The following PLD1 variants were observed in gnomAD, a reference collection of about 807,000 sequenced individuals.
PLD1 encodes the protein phospholipase D1.
A neutral mutation model predicts 137.1 loss-of-function variants in PLD1; 112 were observed. The ratio of observed to expected loss-of-function variants is 0.82; its 90% CI spans 0.70 to 0.96. The LOEUF is 0.96. Ranked by LOEUF, PLD1 falls within the 40% of genes least tolerant of loss-of-function variation. The probability of loss-of-function intolerance (pLI) is 0.00; values close to 1 mark genes in which losing one functional copy is unlikely to be tolerated. For synonymous variants in PLD1, 431 were observed against 454.7 expected, an observed-to-expected ratio of 0.95 and a Z score of 0.66; for missense variants, 1,321 against 1,342.0, an observed-to-expected ratio of 0.98 and a Z score of 0.24.
chr3:171,615,986 C>A (rs543204810), intron 24 of PLD1, among the ~76,000 whole-genome samples: 4 of 152,242 alleles, frequency 2.6e-5, no homozygotes, highest in Non-Finnish European at 4.4e-5. Context: ...TATTGCTCCA[C>A]AGCCATGCCA....
At chr3:171,771,975 C>A (rs549241624) in intron 1 of PLD1, among the ~76,000 whole-genome samples, 1 of 152,170 alleles carries the variant, frequency 6.6e-6, no homozygotes, top group Non-Finnish European at 1.5e-5. Context: ...AGCTAAGACA[C>A]GTCTTTTAAC....
intron 11 of PLD1, among the ~76,000 whole-genome samples, chr3:171,701,190 A>G (rs1000891523): frequency 1.3e-5 from 2 of 152,248 alleles, no homozygotes; most frequent in African/African-American, 4.8e-5. Context: ...ATAAATAAGG[A>G]AACAGACAAA....
intron 1 of PLD1, among the ~76,000 whole-genome samples, chr3:171,748,588 C>G (rs1246957743): frequency 6.6e-6 from 1 of 152,028 alleles, no homozygotes; most frequent in African/African-American, 2.4e-5. Flanking sequence ...CTCTCCAGTG[C>G]TGATTAGCTT....
intron 19 of PLD1, among the ~76,000 whole-genome samples, chr3:171,665,148 G>A (rs1366186377): frequency 6.6e-6 from 1 of 152,170 alleles, no homozygotes; most frequent in Non-Finnish European, 1.5e-5. Flanking sequence ...AGATACACAT[G>A]AGGAGAATTA....
chr3:171,656,876 T>G (rs1272047728), intron 21 of PLD1, among the ~76,000 whole-genome samples: 1 of 152,200 alleles, frequency 6.6e-6, no homozygotes, highest in Non-Finnish European at 1.5e-5. Flanking sequence ...GGGACTTGCC[T>G]CACTCAAGGT....
chr3:171,707,318 T>A (rs189496300), intron 11 of PLD1, among the ~76,000 whole-genome samples: 59 of 152,288 alleles, frequency 3.9e-4, no homozygotes, highest in African/African-American at 1.3e-3. Context: ...GTTAAAAAAA[T>A]TTTGGTGTTC....
rs1413335295 is a variant in PLD1 at position 171,602,002 on chromosome 3, AAAG to A, written c.*1073_*1075del. On this transcript the variant is annotated 3_prime_UTR_variant, in exon 27 of 27. Transcript: ENST00000351298. ...ATTTTATAATCAATTAATTTTTCTC[AAAG>A]AAGATAATGTAGCAGAAGACCTGAA... 6.6e-6 allele frequency: 1 copy of A among 152,174 alleles called. No homozygotes were observed. Among genetic ancestry groups the A allele is most frequent in the African/African-American group, 2.4e-5 (1 of 41,450 alleles). 9.4% of individuals were successfully genotyped at this position (152,174 alleles called of 1,614,324 possible). A position where few individuals can be genotyped will look rare whatever the true frequency, so the allele number is the denominator to read the frequency against.
intron 1 of PLD1, among the ~76,000 whole-genome samples, chr3:171,786,340 A>G (rs1249882140): frequency 6.6e-6 from 1 of 152,198 alleles, no homozygotes; most frequent in Non-Finnish European, 1.5e-5. Flanking sequence ...TTCTGAGTCC[A>G]GGAAGATAAA....
At chr3:171,792,844 C>T (rs1723274369) in intron 1 of PLD1, 1 of 386,512 alleles carries the variant, frequency 2.6e-6, no homozygotes, top group Non-Finnish European at 5.2e-6. Flanking sequence ...TTCAGGAGGA[C>T]ACCAGCTATG....
chr3:171,658,237 C>T (rs1048819840), intron 21 of PLD1, among the ~76,000 whole-genome samples: 3 of 152,142 alleles, frequency 2.0e-5, no homozygotes, highest in African/African-American at 7.2e-5. Flanking sequence ...AATGGCAGAG[C>T]CGCTTTGGAA....
At chr3:171,801,556 G>A (rs752892453) in intron 1 of PLD1, among the ~76,000 whole-genome samples, 1 of 152,158 alleles carries the variant, frequency 6.6e-6, no homozygotes, top group Non-Finnish European at 1.5e-5. Flanking sequence ...AGCCTCCCAA[G>A]TAGCTAGGAT....
chr3:171,691,902 T>C (rs1232850084), intron 13 of PLD1, among the ~76,000 whole-genome samples: 1 of 152,240 alleles, frequency 6.6e-6, no homozygotes, highest in East Asian at 1.9e-4. Flanking sequence ...ATTTACTTTA[T>C]TAGTATTTTA....
intron 11 of PLD1, among the ~76,000 whole-genome samples, chr3:171,700,361 CTCTT>C (rs1242172099): frequency 6.7e-6 from 1 of 149,834 alleles, no homozygotes; most frequent in Non-Finnish European, 1.5e-5. Flanking sequence ...CCCTCTCCCT[CTCTT>C]TCGCTCTCTC....
At chr3:171,688,938 A>T (rs1038795053) in intron 13 of PLD1, 62 bp from the exon 14 acceptor site, 1 of 1,257,032 alleles carries the variant, frequency 8.0e-7, no homozygotes, top group African/African-American at 1.5e-5. Flanking sequence ...GTCATAATGA[A>T]ATAGGTCTGT....
intron 1 of PLD1, among the ~76,000 whole-genome samples, chr3:171,770,888 CAAAAAAAAAAAAA>C (rs34683994): frequency 4.9e-5 from 2 of 40,882 alleles, no homozygotes; most frequent in East Asian, 8.6e-4. Flanking sequence ...AACCCTATCT[CAAAAAAAAAAAAA>C]AAAAAAAAAA....
intron 10 of PLD1, 111 bp from the exon 11 acceptor site, chr3:171,708,949 C>T (rs1716923597): frequency 6.2e-6 from 4 of 644,748 alleles, no homozygotes; most frequent in Non-Finnish European, 1.1e-5. Flanking sequence ...CCACATAACA[C>T]ATAACCACCA....
intron 19 of PLD1, among the ~76,000 whole-genome samples, chr3:171,674,218 T>C (rs1196230713): frequency 6.6e-6 from 1 of 152,234 alleles, no homozygotes; most frequent in South Asian, 2.1e-4. Flanking sequence ...TTACTGGGTA[T>C]CATGTTGCTA....
rs370471120 is a variant in PLD1 at position 171,766,623 on chromosome 3, TTA to T, written c.-31-28543_-31-28542del. Among the ~76,000 whole-genome samples the T allele has an allele frequency of 9.7e-4, 147 of 152,316 alleles. No homozygotes were observed. In the Middle Eastern group the frequency reaches 0.014, roughly 14 times the overall value. On this transcript the variant is annotated intron_variant, in intron 1 of 26. Coordinates refer to ENST00000351298, the MANE Select transcript of PLD1 (RefSeq NM_002662.5). ...CGTCATGCAATTTTCTTCTGCTACT[TTA>T]TGTTTTTATTATTTGCAACTTTTCA...
chr3:171,777,875 C>A (rs761335969), intron 1 of PLD1, among the ~76,000 whole-genome samples: 1 of 152,190 alleles, frequency 6.6e-6, no homozygotes, highest in African/African-American at 2.4e-5. Context: ...TTATGCCTTG[C>A]GACTTTCTAT....
Sources: allele counts gnomAD v4.1 joint callset (sites outside exome capture counted in the v4.1 genomes callset), GRCh38; gene constraint gnomAD v4.1.1; transcripts MANE v1.5; gene names NCBI Gene and HGNC (gene_info 2026-07-23, HGNC 2026-07-21).